DST: variants seen among roughly 807,000 people sequenced by gnomAD.
The protein encoded by DST is bullous pemphigoid antigen.
DST carries 253 observed loss-of-function variants against 875.2 expected under a neutral mutation model. The ratio of observed to expected loss-of-function variants is 0.29; its 90% confidence interval spans 0.26 to 0.32. The LOEUF (loss-of-function observed/expected upper bound fraction) is 0.32, where lower values mean the gene tolerates loss of function less well. Ranked by LOEUF, DST falls within the 10% of genes least tolerant of loss-of-function variation. The pLI is 1.00. For synonymous variants in DST, 3,124 were observed against 3,197.1 expected, an observed-to-expected ratio of 0.98 and a Z score of 0.77; for missense variants, 8,287 against 9,111.6, an observed-to-expected ratio of 0.91 and a Z score of 3.68.
rs2152697824 is a variant in DST at position 56,598,497 on chromosome 6, T to G, written c.11907A>C (p.Ala3969=). The G allele has an allele frequency of 1.3e-6, 2 of 1,574,792 alleles. No individual in the cohort carries two copies. The highest frequency in any genetic ancestry group is 1.7e-6 in the Non-Finnish European group (2 of 1,160,338). The part of the protein sequence containing the change: ...KKELDKVVTT[A]IKEETEKVAA... ...GGACCTTTTCAGTTTCTTCCTTGAT[T>G]GCTGTTGTCACAACTTTATCCAGCT... The change falls in exon 46 of 104, where the codon GCA becomes GCC. Residue 3969 remains alanine, a synonymous_variant. Transcript: ENST00000680361.
intron 2 of DST, among the ~76,000 whole-genome samples, chr6:56,931,887 G>A (rs751709400): frequency 2.6e-5 from 4 of 152,216 alleles, no homozygotes; most frequent in Non-Finnish European, 4.4e-5. Flanking sequence ...ATAGGCAGAA[G>A]AGATTTGCCT....
chr6:56,469,365 A>G (rs2152393134), intron 97 of DST, among the ~76,000 whole-genome samples: 1 of 152,180 alleles, frequency 6.6e-6, no homozygotes, highest in Non-Finnish European at 1.5e-5. Flanking sequence ...GAAAAAAAAA[A>G]ATAGAGAAAG....
rs571009340 is a variant in DST, at chr6:56,629,173, C to T, written c.4475+77G>A. 4 of 1,409,574 alleles carry T rather than the reference C, an allele frequency of 2.8e-6. No individual in the cohort carries two copies. The African/African-American group carries it at 5.7e-5, about 20-fold the overall frequency. 87.3% of individuals were successfully genotyped at this position (1,409,574 alleles called of 1,614,324 possible). On this transcript the variant is annotated intron_variant, in intron 32 of 103. Coordinates refer to ENST00000680361, the MANE Select transcript of DST (RefSeq NM_001374736.1). ...AACTATGGAAGTAAAAAAATAGCCT[C>T]ATATGTGTAGATTTTACTCATTTAC...
intron 36 of DST, among the ~76,000 whole-genome samples, chr6:56,624,083 T>A (rs1219254297): frequency 3.3e-5 from 5 of 152,090 alleles, no homozygotes; most frequent in African/African-American, 7.2e-5. Flanking sequence ...TTATGTATAA[T>A]AATTTTAACT....
chr6:56,840,081 G>C (rs539039995), intron 4 of DST, among the ~76,000 whole-genome samples: 1 of 152,220 alleles, frequency 6.6e-6, no homozygotes, highest in African/African-American at 2.4e-5. Flanking sequence ...CATCTATAAG[G>C]TATAGAATGA....
chr6:56,477,291 C>A, intron 91 of DST, 54 bp downstream of exon 91: 1 of 1,562,330 alleles, frequency 6.4e-7, no homozygotes, highest in Admixed American at 1.8e-5. Flanking sequence ...ATTTCCCACA[C>A]CCCTCAACTC....
At chr6:56,811,183 CAAAAAAAAAAAAAA>C (rs371256050) in intron 4 of DST, among the ~76,000 whole-genome samples, 22 of 33,358 alleles carry the variant, frequency 6.6e-4, no homozygotes, top group Admixed American at 9.2e-4. Flanking sequence ...GACCCTGTCT[CAAAAAAAAAAAAAA>C]AAAAAAAAAA....
intron 4 of DST, among the ~76,000 whole-genome samples, chr6:56,756,594 A>G (rs537471869): frequency 1.1e-4 from 16 of 152,348 alleles, no homozygotes; most frequent in Non-Finnish European, 2.4e-4. Context: ...CAGAAATGCA[A>G]GGTTGCAAAA....
intron 2 of DST, among the ~76,000 whole-genome samples, chr6:56,906,669 T>G (rs530837970): frequency 6.6e-6 from 1 of 152,296 alleles, no homozygotes; most frequent in Non-Finnish European, 1.5e-5. Context: ...ATCCACTGCC[T>G]GCCAGCCTTT....
At chr6:56,874,754 C>T (rs532334226) in intron 3 of DST, among the ~76,000 whole-genome samples, 134 of 152,238 alleles carry the variant, frequency 8.8e-4, no homozygotes, top group Admixed American at 2.1e-3. Context: ...TAAGAGATCT[C>T]GAAGAAATAA....
At chr6:56,485,904 C>T (rs1201520251) in intron 87 of DST, among the ~76,000 whole-genome samples, 1 of 152,114 alleles carries the variant, frequency 6.6e-6, no homozygotes, top group Non-Finnish European at 1.5e-5. Flanking sequence ...AAATCTTCCT[C>T]GTGCTGTCTC....
rs2099323861 is a variant in DST at position 56,704,264 on chromosome 6, G to C, written c.777+16C>G. ...TTACACGTTCTTCAAAATAAAATAAGAAAGTTAAAACTTACCAAGGTATCT... is the reference window on the plus strand; with the variant it reads ...TTACACGTTCTTCAAAATAAAATAACAAAGTTAAAACTTACCAAGGTATCT... On this transcript the variant is annotated intron_variant, in intron 6 of 103. Transcript: ENST00000680361. 1 of 1,336,488 alleles carries C rather than the reference G, an allele frequency of 7.5e-7. No individual in the cohort carries two copies. Among genetic ancestry groups the C allele is most frequent in the Non-Finnish European group, 1.0e-6 (1 of 964,064 alleles). The allele number at this position is 1,336,488 out of a possible 1,614,324, so 82.8% of individuals were successfully genotyped here.
intron 2 of DST, among the ~76,000 whole-genome samples, chr6:56,901,394 G>A (rs1028230460): frequency 3.3e-5 from 5 of 152,184 alleles, no homozygotes; most frequent in African/African-American, 7.2e-5. Flanking sequence ...TCAGGAGTTG[G>A]AGACCAGCCT....
chr6:56,570,651 A>ACG (rs2097765833), intron 53 of DST, among the ~76,000 whole-genome samples: 1 of 152,144 alleles, frequency 6.6e-6, no homozygotes, highest in Non-Finnish European at 1.5e-5. Flanking sequence ...TAGGCCATAG[A>ACG]CCAGTAGATA....
intron 4 of DST, among the ~76,000 whole-genome samples, chr6:56,762,065 G>A (rs546428597): frequency 1.1e-4 from 16 of 151,616 alleles, no homozygotes; most frequent in Non-Finnish European, 1.5e-4. Flanking sequence ...TTGTTGTCTA[G>A]ACTGGAGTGC....
chr6:56,689,802 A>G (rs1014635693), intron 9 of DST, among the ~76,000 whole-genome samples: 15 of 152,178 alleles, frequency 9.9e-5, no homozygotes, highest in African/African-American at 3.1e-4. Context: ...CCCACAGTCT[A>G]CAGATGATGA....
At chr6:56,467,408 CAT>C (rs1411064739) in intron 98 of DST, 2 of 152,174 alleles carry the variant, frequency 1.3e-5, no homozygotes, top group African/African-American at 4.8e-5. Flanking sequence ...AGCAGGAACT[CAT>C]GTGTTTTTCC....
intron 85 of DST, among the ~76,000 whole-genome samples, chr6:56,491,192 C>T (rs1047084690): frequency 2.6e-5 from 4 of 152,180 alleles, no homozygotes; most frequent in African/African-American, 7.2e-5. Flanking sequence ...GTGTGTAATG[C>T]TATAACAATG....
intron 4 of DST, among the ~76,000 whole-genome samples, chr6:56,824,617 T>C (rs146533412): frequency 0.16 from 24,030 of 149,948 alleles, 2,129 homozygotes; most frequent in Non-Finnish European, 0.18. Flanking sequence ...TCTGCCCCGC[T>C]GCCCCGTCTG....
Sources: allele counts gnomAD v4.1 joint callset (sites outside exome capture counted in the v4.1 genomes callset), GRCh38; gene constraint gnomAD v4.1.1; transcripts MANE v1.5; gene names NCBI Gene and HGNC (gene_info 2026-07-23, HGNC 2026-07-21).